ADORA1: variants seen among roughly 807,000 people sequenced by gnomAD.
The protein encoded by ADORA1 is adenosine A1 receptor.
In ADORA1, 6 loss-of-function variants were observed where a neutral mutation model predicts 19.9. The ratio of observed to expected loss-of-function variants is 0.30; its 90% CI spans 0.17 to 0.59. ADORA1 has a LOEUF of 0.59. Ranked by LOEUF, ADORA1 falls within the 20% of genes least tolerant of loss-of-function variation. The pLI, the probability that ADORA1 is intolerant of heterozygous loss-of-function variation, is 0.87. For missense variants in ADORA1, 302 were observed against 439.2 expected (o/e 0.69, Z 2.79); for synonymous variants, 194 against 188.4 (o/e 1.03, Z -0.24).
At chr1:203,156,435 G>A (rs1265823275) in intron 3 of ADORA1, among the ~76,000 whole-genome samples, 1 of 152,282 alleles carries the variant, frequency 6.6e-6, no homozygotes, top group Middle Eastern at 3.4e-3. Flanking sequence ...GAAGTGCAAA[G>A]CCCCTGAGGT....
At chr1:203,142,049 G>T (rs2102745101) in intron 3 of ADORA1, among the ~76,000 whole-genome samples, 1 of 152,290 alleles carries the variant, frequency 6.6e-6, no homozygotes, top group Non-Finnish European at 1.5e-5. Flanking sequence ...TGGATAAGTT[G>T]CTTAACCTTT....
intron 3 of ADORA1, among the ~76,000 whole-genome samples, chr1:203,164,484 G>A (rs1233587327): frequency 6.6e-6 from 1 of 152,220 alleles, no homozygotes. Context: ...TAGATGCTCA[G>A]TGAATATCAG....
In ADORA1 at chr1:203,165,567, G is replaced by A. The variant is rs200239809; in HGVS notation, c.648G>A (p.Ser216=). 33 of 1,613,906 alleles carry A rather than the reference G, an allele frequency of 2.0e-5. No homozygotes were observed. In the South Asian group the frequency reaches 2.7e-4, roughly 13 times the overall value. Residue 216 remains serine, a synonymous_variant, in exon 4 of 4, where the codon TCG becomes TCA. Transcript: ENST00000337894. This position sits in a 1 kb window ranked among gnomAD's most constrained non-coding sequence, Gnocchi z 5.9. ...GCAAGCAGCTCAACAAGAAGGTGTCGGCCTCCTCCGGCGACCCGCAGAAGT... is the reference window on the plus strand; with the variant it reads ...GCAAGCAGCTCAACAAGAAGGTGTCAGCCTCCTCCGGCGACCCGCAGAAGT... ...LIRKQLNKKV[S]ASSGDPQKYY...
intron 3 of ADORA1, among the ~76,000 whole-genome samples, chr1:203,151,045 T>A (rs1461805845): frequency 1.3e-5 from 2 of 152,212 alleles, no homozygotes; most frequent in African/African-American, 4.8e-5. Context: ...CGAGTCTGCA[T>A]GGGATCTCTC....
At chr1:203,150,708 T>C (rs1269236318) in intron 3 of ADORA1, 9 of 1,289,836 alleles carry the variant, frequency 7.0e-6, no homozygotes, top group South Asian at 4.9e-5. Context: ...GACTTTCTAA[T>C]GTGGAAGCAC....
intron 3 of ADORA1, among the ~76,000 whole-genome samples, chr1:203,134,640 C>G (rs1005048958): frequency 6.6e-6 from 1 of 152,196 alleles, no homozygotes; most frequent in East Asian, 1.9e-4. Context: ...CTGTAGGGGC[C>G]GCACCCTGAC....
At chr1:203,135,636 C>T (rs1437616372) in intron 3 of ADORA1, among the ~76,000 whole-genome samples, 5 of 141,262 alleles carry the variant, frequency 3.5e-5, no homozygotes, top group African/African-American at 1.3e-4. Flanking sequence ...CCAGCCTGGG[C>T]AACAGAGTGA....
At position 203,160,385 on chromosome 1, in the gene ADORA1, G is replaced by GCAGA. The variant is rs1485162809; in HGVS notation, c.342-4875_342-4874insAGAC. Among the ~76,000 whole-genome samples the GCAGA allele has an allele frequency of 7.9e-5, 12 of 152,322 alleles. No individual in the cohort carries two copies. The East Asian group carries it at 2.3e-3, about 29-fold the overall frequency. ...TGCTCAAATGAACATTTTTCTTTGAGCGTCTTGTTGGCATTCAAGTAGTGT... is the reference window on the plus strand; with the variant it reads ...TGCTCAAATGAACATTTTTCTTTGAGCAGACGTCTTGTTGGCATTCAAGTAGTGT... On this transcript the variant is annotated intron_variant, in intron 3 of 3. Transcript: ENST00000337894.
chr1:203,136,543 A>C (rs1450952828), intron 3 of ADORA1, among the ~76,000 whole-genome samples: 1 of 152,196 alleles, frequency 6.6e-6, no homozygotes, highest in African/African-American at 2.4e-5. Context: ...GGGCAGGCTG[A>C]TCTGGTCTCT....
intron 3 of ADORA1, among the ~76,000 whole-genome samples, chr1:203,156,396 C>T (rs979665276): frequency 6.6e-6 from 1 of 152,108 alleles, no homozygotes; most frequent in Non-Finnish European, 1.5e-5. Context: ...GGAGAATGAA[C>T]CTTCCCAGAC....
chr1:203,140,581 G>A (rs1038372161), intron 3 of ADORA1, among the ~76,000 whole-genome samples: 15 of 152,128 alleles, frequency 9.9e-5, no homozygotes, highest in African/African-American at 3.4e-4. Context: ...TGGTCAGGAG[G>A]AGGGGCTCTC....
At position 203,128,794 on chromosome 1, in the gene ADORA1, T is replaced by TCGTG; in HGVS notation, c.-46_-43dup. The TCGTG allele has an allele frequency of 3.9e-6, 6 of 1,548,196 alleles. No individual in the cohort carries two copies. Among genetic ancestry groups the TCGTG allele is most frequent in the Non-Finnish European group, 5.2e-6 (6 of 1,151,106 alleles). ...TTCCCTGACCACACAGGTGCTTGCC[T>TCGTG]CGTGCCCCTTGGTGCCCGTCTGCTG... On this transcript the variant is annotated 5_prime_UTR_variant, in exon 3 of 4. An upstream open reading frame in the 5' UTR loses its in-frame stop. Transcript: ENST00000337894. This position sits in a 1 kb window ranked among gnomAD's most constrained non-coding sequence, Gnocchi z 5.9.
At chr1:203,150,481 A>C (rs929476851) in intron 3 of ADORA1, among the ~76,000 whole-genome samples, 1 of 152,224 alleles carries the variant, frequency 6.6e-6, no homozygotes, top group Non-Finnish European at 1.5e-5. Context: ...CACAGGGCAA[A>C]GAGAGCATCA....
chr1:203,141,551 A>T (rs921826521), intron 3 of ADORA1, among the ~76,000 whole-genome samples: 3 of 150,388 alleles, frequency 2.0e-5, no homozygotes, highest in Non-Finnish European at 4.4e-5. Context: ...GGTCTGTTTG[A>T]AAAAAGCTCC....
chr1:203,138,309 G>C (rs1212752253), intron 3 of ADORA1, among the ~76,000 whole-genome samples: 2 of 152,178 alleles, frequency 1.3e-5, no homozygotes, highest in Non-Finnish European at 2.9e-5. Flanking sequence ...AAGAATGAGA[G>C]GCCTGGGCGG....
In ADORA1 at chr1:203,128,929, G is replaced by T; in HGVS notation, c.88G>T (p.Val30Leu). The T allele has an allele frequency of 6.2e-7, 1 of 1,614,028 alleles. No homozygotes were observed. Among genetic ancestry groups the T allele is most frequent in the Non-Finnish European group, 8.5e-7 (1 of 1,180,036 alleles). The change falls in exon 3 of 4, where the codon GTG becomes TTG. Residue 30 changes from valine (V) to leucine (L), a missense_variant. Val to Leu is a conservative substitution (Grantham distance 32). Transcript: ENST00000337894. The surrounding 1 kb of genome is among the most constrained non-coding windows in gnomAD (Gnocchi z 5.9). ...GGTCTCTGTGCCCGGGAACGTGCTGGTGATCTGGGCGGTGAAGGTGAACCA... is the reference window on the plus strand; with the variant it reads ...GGTCTCTGTGCCCGGGAACGTGCTGTTGATCTGGGCGGTGAAGGTGAACCA... ...ALVSVPGNVL[V>L]IWAVKVNQAL...
chr1:203,164,891 C>T (rs1265125303), intron 3 of ADORA1, among the ~76,000 whole-genome samples: 3 of 152,156 alleles, frequency 2.0e-5, no homozygotes, highest in East Asian at 3.8e-4. Flanking sequence ...TGACTTCCTA[C>T]GCGACAAAGG....
rs770382721 is a variant in ADORA1, at chr1:203,165,328, G to C, written c.409G>C (p.Val137Leu). Residue 137 changes from valine (V) to leucine (L), a missense_variant, in exon 4 of 4, where the codon GTG becomes CTG. Val to Leu is a conservative substitution (Grantham distance 32, BLOSUM62 1). Coordinates refer to ENST00000337894, the MANE Select transcript of ADORA1 (RefSeq NM_000674.3). This position sits in a 1 kb window ranked among gnomAD's most constrained non-coding sequence, Gnocchi z 5.9. ...AGCCGGCTGCTGGATCCTCTCCTTCGTGGTGGGACTGACCCCTATGTTTGG... is the reference window on the plus strand; with the variant it reads ...AGCCGGCTGCTGGATCCTCTCCTTCCTGGTGGGACTGACCCCTATGTTTGG... ...AIAGCWILSF[V>L]VGLTPMFGWN... The C allele has an allele frequency of 3.8e-6, 6 of 1,573,294 alleles. No homozygotes were observed. The highest frequency in any genetic ancestry group is 3.6e-5 in the Admixed American group (2 of 55,428).
chr1:203,156,327 T>C (rs1264027504), intron 3 of ADORA1, among the ~76,000 whole-genome samples: 2 of 152,194 alleles, frequency 1.3e-5, no homozygotes, highest in African/African-American at 4.8e-5. Flanking sequence ...AGACTATTTT[T>C]CAGGAGAGTC....
Sources: gnomAD v4.1 joint callset for allele counts (sites outside exome capture counted in the v4.1 genomes callset) on GRCh38, gnomAD v4.1.1 for gene constraint, Gnocchi (gnomAD v3.1) non-coding constraint, MANE v1.5 for transcripts, NCBI Gene and HGNC (gene_info 2026-07-23, HGNC 2026-07-21) for gene names.